ZNF277: variants seen among roughly 807,000 people sequenced by gnomAD.
ZNF277 encodes nuclear receptor-interacting factor 4.
ZNF277 carries 55 observed loss-of-function variants against 60.7 expected under a neutral mutation model. The observed-to-expected ratio is 0.91, with a 90% CI of 0.73 to 1.13. ZNF277 has a LOEUF of 1.13. ZNF277 is among the 50% of genes most tolerant of loss of function. The pLI is 0.00. For synonymous variants in ZNF277, 178 were observed against 179.3 expected (o/e 0.99, Z 0.06); for missense variants, 510 against 523.0 (o/e 0.98, Z 0.24).
chr7:112,296,432 A>G lies in ZNF277; in HGVS notation c.465+121A>G, dbSNP rs1792333888. The stretch of plus-strand genomic sequence containing the variant: ...GGAAACTTTCAAACATATGTAAAAG[A>G]GGAGACAATACAAAAAGGTCTTAAA... On this transcript the variant is annotated intron_variant, in intron 4 of 11. Coordinates refer to ENST00000361822, the MANE Select transcript of ZNF277 (RefSeq NM_021994.3). The G allele has an allele frequency of 2.0e-5, 10 of 491,800 alleles. No individual in the cohort carries two copies. The South Asian group carries it at 3.5e-4, about 17-fold the overall frequency. The allele number at this position is 491,800 out of a possible 1,614,324, so 30.5% of individuals were successfully genotyped here.
rs746621572 is a variant in ZNF277, at chr7:112,286,917, C to G, written c.136C>G (p.Pro46Ala). 8.7e-6 allele frequency: 14 copies of G among 1,604,808 alleles called. No homozygotes were observed. The highest frequency in any genetic ancestry group is 1.2e-5 in the Non-Finnish European group (14 of 1,176,762). Reference protein sequence around the residue: ...ILEPLSLPESPGGTTTLEGSP... With the variant: ...ILEPLSLPESAGGTTTLEGSP... ...GGAGCCGCTTTCCCTGCCAGAAAGTCCAGGTGGCACCACCACTTTAGAAGG... is the reference window on the plus strand; with the variant it reads ...GGAGCCGCTTTCCCTGCCAGAAAGTGCAGGTGGCACCACCACTTTAGAAGG... Residue 46 changes from proline (P) to alanine (A), a missense_variant, in exon 2 of 12, where the codon CCA becomes GCA. By Grantham distance (27) the Pro-to-Ala change is conservative. Coordinates refer to ENST00000361822, the MANE Select transcript of ZNF277 (RefSeq NM_021994.3).
At chr7:112,240,171 A>C (rs780394720) in intron 1 of ZNF277, among the ~76,000 whole-genome samples, 1 of 152,342 alleles carries the variant, frequency 6.6e-6, no homozygotes, top group African/African-American at 2.4e-5. Flanking sequence ...ATGAACACGA[A>C]GACTAGAAGA....
intron 1 of ZNF277, among the ~76,000 whole-genome samples, chr7:112,246,749 C>T (rs1432641320): frequency 1.3e-5 from 2 of 152,164 alleles, no homozygotes; most frequent in Non-Finnish European, 2.9e-5. Flanking sequence ...GTCTTGTTCT[C>T]CTTGGTACCT....
intron 1 of ZNF277, among the ~76,000 whole-genome samples, chr7:112,262,208 C>A (rs1228661098): frequency 6.7e-6 from 1 of 149,028 alleles, no homozygotes; most frequent in African/African-American, 2.5e-5. Flanking sequence ...TTCTTCATGC[C>A]CTATCTTCCA....
intron 2 of ZNF277, among the ~76,000 whole-genome samples, chr7:112,293,867 C>A (rs1174710304): frequency 6.6e-6 from 1 of 152,182 alleles, no homozygotes; most frequent in Non-Finnish European, 1.5e-5. Flanking sequence ...GACTGACGAT[C>A]CACTCCTTGG....
intron 2 of ZNF277, among the ~76,000 whole-genome samples, chr7:112,294,019 G>A (rs1792270380): frequency 6.6e-6 from 1 of 152,196 alleles, no homozygotes; most frequent in African/African-American, 2.4e-5. Context: ...CAATTTAGAG[G>A]AATAATCCAT....
At chr7:112,320,685 T>G (rs1049350803) in intron 5 of ZNF277, among the ~76,000 whole-genome samples, 1 of 152,084 alleles carries the variant, frequency 6.6e-6, no homozygotes, top group African/African-American at 2.4e-5. Flanking sequence ...GTATATCTTA[T>G]AGACAGTATA....
At chr7:112,270,665 A>G (rs545601146) in intron 1 of ZNF277, among the ~76,000 whole-genome samples, 2 of 152,132 alleles carry the variant, frequency 1.3e-5, no homozygotes, top group Non-Finnish European at 2.9e-5. Flanking sequence ...TTTATCAGGT[A>G]TCTACAAAAT....
intron 1 of ZNF277, among the ~76,000 whole-genome samples, chr7:112,233,507 T>C (rs533769990): frequency 1.8e-4 from 27 of 152,322 alleles, no homozygotes; most frequent in African/African-American, 4.8e-4. Flanking sequence ...CCAGAGGTCA[T>C]ACAACTAGTT....
At chr7:112,326,829 T>G (rs1319304887) in intron 5 of ZNF277, among the ~76,000 whole-genome samples, 2 of 152,214 alleles carry the variant, frequency 1.3e-5, no homozygotes, top group African/African-American at 2.4e-5. Flanking sequence ...CTTATACTGA[T>G]GAGGCTCTCC....
chr7:112,263,205 C>A (rs1339699627), intron 1 of ZNF277, among the ~76,000 whole-genome samples: 1 of 152,148 alleles, frequency 6.6e-6, no homozygotes, highest in Non-Finnish European at 1.5e-5. Context: ...GACTGCTGAT[C>A]TTATTGAGGG....
In ZNF277 at chr7:112,327,827, A is replaced by G. The variant is rs1348002767; in HGVS notation, c.668A>G (p.Asn223Ser). Residue 223 changes from asparagine (N) to serine (S), a missense_variant and splice_region_variant, in exon 6 of 12, where the codon AAT (asparagine) becomes AGT (serine). Coordinates refer to ENST00000361822, the MANE Select transcript of ZNF277 (RefSeq NM_021994.3). ...TGTACATTACAGAAAAAGCTTGACA[A>G]GTAAGTACTGATTTATGAAACACTG... ...FLCTLQKKLD[N>S]LQCLYCEKTF... is the part of the protein sequence containing the mutation. 6.3e-7 allele frequency: 1 copy of G among 1,594,978 alleles called. No homozygotes were observed. The highest frequency in any genetic ancestry group is 1.7e-5 in the Admixed American group (1 of 57,734).
intron 4 of ZNF277, among the ~76,000 whole-genome samples, chr7:112,316,140 T>C (rs1317291874): frequency 3.3e-5 from 5 of 152,148 alleles, no homozygotes; most frequent in Non-Finnish European, 7.4e-5. Context: ...ATGAGATCCC[T>C]TTCAGCTGTC....
At chr7:112,223,457 T>G (rs930695669) in intron 1 of ZNF277, among the ~76,000 whole-genome samples, 15 of 152,192 alleles carry the variant, frequency 9.9e-5, no homozygotes, top group Non-Finnish European at 2.1e-4. Flanking sequence ...GTGTGACTTT[T>G]CCCAGTCTCC....
intron 1 of ZNF277, among the ~76,000 whole-genome samples, chr7:112,226,573 C>T (rs1822181768): frequency 6.6e-6 from 1 of 152,124 alleles, no homozygotes; most frequent in Non-Finnish European, 1.5e-5. Flanking sequence ...CCTAAGTAAC[C>T]ATTTTCTGAC....
At chr7:112,227,281 T>A (rs541384803) in intron 1 of ZNF277, among the ~76,000 whole-genome samples, 9 of 152,342 alleles carry the variant, frequency 5.9e-5, no homozygotes, top group African/African-American at 2.2e-4. Flanking sequence ...GTTTTTGTTT[T>A]TTAAAGTTAT....
At chr7:112,287,159 A>G in intron 2 of ZNF277, 85 bp downstream of exon 2, 7 of 1,425,700 alleles carry the variant, frequency 4.9e-6, no homozygotes, top group Non-Finnish European at 6.8e-6. Flanking sequence ...TTGGGAGGCC[A>G]AAGTGGGAGG....
Position 112,342,902 on chromosome 7 carries a change from C to A in ZNF277, c.*173C>A. ...TTTCAAAAAATAAAGTAGAAAAATGCACTTACTAAGAACATGAAAAAAAAT... is the reference window on the plus strand; with the variant it reads ...TTTCAAAAAATAAAGTAGAAAAATGAACTTACTAAGAACATGAAAAAAAAT... On this transcript the variant is annotated 3_prime_UTR_variant, in exon 12 of 12. Transcript: ENST00000361822. 3 of 451,494 alleles carry A rather than the reference C, an allele frequency of 6.6e-6. No individual in the cohort carries two copies. The highest frequency in any genetic ancestry group is 5.9e-5 in the South Asian group (1 of 17,022). The allele number at this position is 451,494 out of a possible 1,614,324, so 28.0% of individuals were successfully genotyped here.
chr7:112,246,559 T>C (rs1269117632), intron 1 of ZNF277, among the ~76,000 whole-genome samples: 1 of 152,192 alleles, frequency 6.6e-6, no homozygotes, highest in Non-Finnish European at 1.5e-5. Context: ...GAGAGCCAGT[T>C]CTAGAGGACC....
Sources: allele counts gnomAD v4.1 joint callset (sites outside exome capture counted in the v4.1 genomes callset), GRCh38; gene constraint gnomAD v4.1.1; transcripts MANE v1.5; gene names NCBI Gene and HGNC (gene_info 2026-07-23, HGNC 2026-07-21).